Variants in GPCPD1 observed in about 807,000 individuals in gnomAD.
GPCPD1 encodes the protein glycerophosphocholine phosphodiesterase GPCPD1.
In GPCPD1, 29 loss-of-function variants were observed where a neutral mutation model predicts 89.2. The observed-to-expected ratio is 0.33, with a 90% CI of 0.24 to 0.44. The LOEUF (loss-of-function observed/expected upper bound fraction) is 0.44. Ranked by LOEUF, GPCPD1 falls within the 20% of genes least tolerant of loss-of-function variation. The pLI is 1.00. For missense variants in GPCPD1, 594 were observed against 808.9 expected (o/e 0.73, Z 3.22); for synonymous variants, 258 against 266.3 (o/e 0.97, Z 0.30).
intron 8 of GPCPD1, among the ~76,000 whole-genome samples, chr20:5,577,471 G>C (rs1237542898): frequency 1.4e-5 from 2 of 140,866 alleles, no homozygotes; most frequent in Admixed American, 1.5e-4. Flanking sequence ...CTGCGCAACA[G>C]AGCAAGACCC....
intron 15 of GPCPD1, 136 bp downstream of exon 15, chr20:5,564,881 G>A: frequency 1.5e-6 from 1 of 669,596 alleles, no homozygotes. Context: ...TCTCTAAAAG[G>A]CACCAATGAT....
At chr20:5,608,894 T>C (rs537661972) in intron 1 of GPCPD1, among the ~76,000 whole-genome samples, 2 of 152,346 alleles carry the variant, frequency 1.3e-5, no homozygotes, top group African/African-American at 4.8e-5. Flanking sequence ...TAACCCTTTT[T>C]AAAAGACTCA....
At chr20:5,598,450 A>C (rs984725536) in intron 3 of GPCPD1, among the ~76,000 whole-genome samples, 1 of 151,990 alleles carries the variant, frequency 6.6e-6, no homozygotes, top group Non-Finnish European at 1.5e-5. Context: ...CAAGAATTAA[A>C]AGTATATTCA....
At chr20:5,605,907 T>C (rs1980550490) in intron 1 of GPCPD1, among the ~76,000 whole-genome samples, 1 of 152,332 alleles carries the variant, frequency 6.6e-6, no homozygotes, top group Non-Finnish European at 1.5e-5. Flanking sequence ...ATTGACCTTA[T>C]ATCCATTTTG....
At chr20:5,609,400 T>C (rs1473651846) in intron 1 of GPCPD1, among the ~76,000 whole-genome samples, 1 of 152,230 alleles carries the variant, frequency 6.6e-6, no homozygotes, top group Non-Finnish European at 1.5e-5. Flanking sequence ...CTTAATCAAA[T>C]ATGTTAAGAC....
intron 19 of GPCPD1, among the ~76,000 whole-genome samples, chr20:5,557,323 C>T (rs2122562289): frequency 6.6e-6 from 1 of 152,312 alleles, no homozygotes; most frequent in South Asian, 2.1e-4. Flanking sequence ...GGCAGGCTAC[C>T]TCAACAATCC....
chr20:5,607,865 T>C (rs1189924746), intron 1 of GPCPD1, among the ~76,000 whole-genome samples: 1 of 151,692 alleles, frequency 6.6e-6, no homozygotes, highest in African/African-American at 2.4e-5. Flanking sequence ...ACTGAATTAA[T>C]TTTAAGAGAG....
chr20:5,567,701 T>C, intron 12 of GPCPD1, 141 bp from the exon 13 acceptor site: 1 of 778,212 alleles, frequency 1.3e-6, no homozygotes, highest in African/African-American at 1.8e-5. Flanking sequence ...TAACTGTTAG[T>C]AGCCATACTG....
At chr20:5,554,599 G>A (rs1406092205) in intron 19 of GPCPD1, among the ~76,000 whole-genome samples, 72 of 152,286 alleles carry the variant, frequency 4.7e-4, no homozygotes, top group African/African-American at 9.6e-5. Context: ...TAGTTGAGAC[G>A]TACGGCTCAG....
chr20:5,552,640 C>T (rs1283656987), intron 19 of GPCPD1, among the ~76,000 whole-genome samples: 2 of 152,134 alleles, frequency 1.3e-5, no homozygotes, highest in African/African-American at 4.8e-5. Flanking sequence ...AGTACTTGTT[C>T]CAAATTATTT....
intron 8 of GPCPD1, among the ~76,000 whole-genome samples, chr20:5,577,907 C>G (rs1314068403): frequency 6.6e-6 from 1 of 152,208 alleles, no homozygotes; most frequent in African/African-American, 2.4e-5. Flanking sequence ...TGTCAATAAC[C>G]TGGCACAAGC....
intron 11 of GPCPD1, among the ~76,000 whole-genome samples, 197 bp from the exon 12 acceptor site, chr20:5,570,436 A>AC (rs988122077): frequency 1.3e-5 from 2 of 150,922 alleles, no homozygotes; most frequent in African/African-American, 4.9e-5. Context: ...CAAAAAAAAA[A>AC]AAAAAAAAAA....
chr20:5,572,708 G>C (rs963780110), intron 11 of GPCPD1, among the ~76,000 whole-genome samples: 1 of 151,878 alleles, frequency 6.6e-6, no homozygotes, highest in Non-Finnish European at 1.5e-5. Flanking sequence ...GACAAGTACA[G>C]AGGAATAGGG....
At chr20:5,566,630 CT>C (rs1482281073) in intron 14 of GPCPD1, 102 bp downstream of exon 14, 12 of 737,632 alleles carry the variant, frequency 1.6e-5, no homozygotes, top group Middle Eastern at 2.3e-4. Flanking sequence ...CAGTATTATA[CT>C]CATAAAAATG....
chr20:5,597,182 AATTGGCTGAGAAAATAT>A (rs1979791415), intron 3 of GPCPD1, among the ~76,000 whole-genome samples: 1 of 152,226 alleles, frequency 6.6e-6, no homozygotes, highest in African/African-American at 2.4e-5. Context: ...GAGAGCTGAG[AATTGGCTGAGAAAATAT>A]GTCATACTAG....
intron 1 of GPCPD1, among the ~76,000 whole-genome samples, chr20:5,609,022 C>T (rs1474273893): frequency 6.6e-6 from 1 of 152,148 alleles, no homozygotes; most frequent in African/African-American, 2.4e-5. Context: ...TTTCCCGACA[C>T]GTGACACTAC....
chr20:5,548,871 AT>A, intron 19 of GPCPD1: 1 of 989,198 alleles, frequency 1.0e-6, no homozygotes, highest in Non-Finnish European at 1.4e-6. Flanking sequence ...CCTACTCCTA[AT>A]CCCCCTGTGA....
At chr20:5,551,225 G>A (rs1167392948) in intron 19 of GPCPD1, among the ~76,000 whole-genome samples, 3 of 152,128 alleles carry the variant, frequency 2.0e-5, no homozygotes, top group Non-Finnish European at 2.9e-5. Context: ...GAGACCTAGC[G>A]GGTCACACAA....
At chr20:5,590,553 A>AAAAAAAAAAAAAAAAAAAAC (rs1979256953) in intron 4 of GPCPD1, among the ~76,000 whole-genome samples, 6 of 150,856 alleles carry the variant, frequency 4.0e-5, no homozygotes, top group South Asian at 2.1e-4. Context: ...AAAAAAAAAA[A>AAAAAAAAAAAAAAAAAAAAC]TCTCTATTTT....
Sources: allele counts gnomAD v4.1 joint callset (sites outside exome capture counted in the v4.1 genomes callset), GRCh38; gene constraint gnomAD v4.1.1; transcripts MANE v1.5; gene names NCBI Gene and HGNC (gene_info 2026-07-23, HGNC 2026-07-21).